The following TWIST2 variants were observed in gnomAD, a reference collection of about 807,000 sequenced individuals.
The protein encoded by TWIST2 is twist-related protein 2.
In TWIST2, 1 loss-of-function variant was observed where a neutral mutation model predicts 11.6. The ratio of observed to expected loss-of-function variants is 0.09; its 90% CI spans 0.03 to 0.41. The LOEUF (loss-of-function observed/expected upper bound fraction) is 0.41. Ranked by LOEUF, TWIST2 falls within the 10% of genes least tolerant of loss-of-function variation. The probability of loss-of-function intolerance (pLI) is 0.98; values close to 1 mark genes in which losing one functional copy is unlikely to be tolerated. For synonymous variants in TWIST2, 87 were observed against 96.6 expected (o/e 0.90, Z 0.58); for missense variants, 168 against 226.4 (o/e 0.74, Z 1.66).
At chr2:238,861,619 T>G (rs891707286) in intron 1 of TWIST2, among the ~76,000 whole-genome samples, 1 of 152,136 alleles carries the variant, frequency 6.6e-6, no homozygotes. Flanking sequence ...GACCGTGGTG[T>G]CAGAGAATGC....
chr2:238,873,357 T>C (rs36178251), intron 1 of TWIST2, among the ~76,000 whole-genome samples: 111,167 of 151,860 alleles, frequency 0.73, 41,965 homozygotes, highest in East Asian at 0.97. Context: ...TTGCTGACCA[T>C]GGGTGCTGAG....
At chr2:238,899,148 G>C (rs1256538765) in intron 1 of TWIST2, among the ~76,000 whole-genome samples, 5 of 152,256 alleles carry the variant, frequency 3.3e-5, no homozygotes, top group African/African-American at 1.2e-4. Context: ...CCATGTGACC[G>C]CTGGCCACGG....
intron 1 of TWIST2, among the ~76,000 whole-genome samples, chr2:238,904,571 G>T (rs1250284127): frequency 6.6e-6 from 1 of 151,906 alleles, no homozygotes; most frequent in Non-Finnish European, 1.5e-5. Context: ...ACTGTCCAAC[G>T]GTGTCCATGG....
At chr2:238,873,768 C>CTGA (rs953708216) in intron 1 of TWIST2, among the ~76,000 whole-genome samples, 1 of 152,152 alleles carries the variant, frequency 6.6e-6, no homozygotes, top group Non-Finnish European at 1.5e-5. Flanking sequence ...ATGAGTGGGC[C>CTGA]TGAGGGTACG....
At chr2:238,905,936 TGTGTGTGCGCGCGCGTGTGTACGTGTGC>T (rs1693343222) in intron 1 of TWIST2, among the ~76,000 whole-genome samples, 5 of 112,356 alleles carry the variant, frequency 4.5e-5, no homozygotes, top group East Asian at 2.5e-4. Flanking sequence ...CGTGTGCGCG[TGTGTGTGCGCGCGCGTGTGTACGTGTGC>T]GTGTGTGTGC....
intron 1 of TWIST2, among the ~76,000 whole-genome samples, chr2:238,905,939 GTGTGCGCGCGCGTGTGTA>G (rs1177890437): frequency 9.4e-6 from 1 of 106,700 alleles, no homozygotes. Context: ...GTGCGCGTGT[GTGTGCGCGCGCGTGTGTA>G]CGTGTGCGTG....
At position 238,900,976 on chromosome 2, in the gene TWIST2, T is replaced by TC. The variant is rs1176839737; in HGVS notation, c.*36-8859dup. Among the ~76,000 whole-genome samples the TC allele has an allele frequency of 7.0e-3, 1,035 of 147,102 alleles. 8 individuals carry two copies. The highest frequency in any genetic ancestry group is 0.025 in the African/African-American group (978 of 39,424). On this transcript the variant is annotated intron_variant, in intron 1 of 1. Transcript: ENST00000612363. ...TCGTTTCTGCCCTATCCCTTCTCCT[T>TC]CCCCCCCGGCTTTTTTTTTTTTTTT...
intron 1 of TWIST2, among the ~76,000 whole-genome samples, chr2:238,870,140 C>CAA (rs1491347285): frequency 7.1e-6 from 1 of 140,298 alleles, no homozygotes; most frequent in Non-Finnish European, 1.5e-5. Context: ...ACACACCACA[C>CAA]CCCATACACA....
chr2:238,855,394 A>C (rs993609092), intron 1 of TWIST2, among the ~76,000 whole-genome samples: 3 of 152,224 alleles, frequency 2.0e-5, no homozygotes, highest in African/African-American at 7.2e-5. Context: ...AATTTTCCTG[A>C]AATCAAATAA....
chr2:238,898,437 T>C (rs1009324083), intron 1 of TWIST2, among the ~76,000 whole-genome samples: 3 of 152,256 alleles, frequency 2.0e-5, no homozygotes, highest in Non-Finnish European at 4.4e-5. Context: ...GGAATGGTGC[T>C]GTTGCTGGTC....
intron 1 of TWIST2, among the ~76,000 whole-genome samples, chr2:238,906,653 CACAG>C (rs1310653191): frequency 1.3e-3 from 193 of 152,310 alleles, no homozygotes; most frequent in Admixed American, 7.6e-3. Flanking sequence ...TGGGCACACT[CACAG>C]ACACACACAC....
At chr2:238,870,763 CCA>C (rs1254202050) in intron 1 of TWIST2, among the ~76,000 whole-genome samples, 3 of 41,186 alleles carry the variant, frequency 7.3e-5, no homozygotes, top group African/African-American at 2.6e-4. Context: ...ACACCACACC[CCA>C]CACACACAGT....
At chr2:238,905,962 TGCGTGTGTGTGCGCGCGCGTGTACGTGC>T (rs1693346483) in intron 1 of TWIST2, among the ~76,000 whole-genome samples, 59 of 105,922 alleles carry the variant, frequency 5.6e-4, no homozygotes, top group Middle Eastern at 4.3e-3. Flanking sequence ...TGTGTACGTG[TGCGTGTGTGTGCGCGCGCGTGTACGTGC>T]GCGTGTGTGC....
intron 1 of TWIST2, among the ~76,000 whole-genome samples, chr2:238,862,455 C>T (rs767785789): frequency 7.2e-5 from 11 of 152,002 alleles, no homozygotes; most frequent in Non-Finnish European, 1.2e-4. Flanking sequence ...TCAATAAACG[C>T]GTGAAGTGTT....
chr2:238,908,751 T>A (rs941026745), intron 1 of TWIST2, among the ~76,000 whole-genome samples: 24 of 150,884 alleles, frequency 1.6e-4, no homozygotes, highest in African/African-American at 5.9e-4. Context: ...TGTGGTGTGT[T>A]TGTGTGTGGT....
At chr2:238,870,393 C>A (rs866965545) in intron 1 of TWIST2, among the ~76,000 whole-genome samples, 5 of 43,520 alleles carry the variant, frequency 1.1e-4, no homozygotes, top group African/African-American at 2.5e-4. Flanking sequence ...CCCACACACC[C>A]CACACACACA....
chr2:238,900,918 C>T (rs990774584), intron 1 of TWIST2, among the ~76,000 whole-genome samples: 7 of 151,790 alleles, frequency 4.6e-5, no homozygotes, highest in African/African-American at 1.7e-4. Context: ...TAATCCTGAA[C>T]GTGGAGACAC....
intron 1 of TWIST2, among the ~76,000 whole-genome samples, chr2:238,859,614 C>T (rs577227760): frequency 6.6e-6 from 1 of 151,948 alleles, no homozygotes; most frequent in South Asian, 2.1e-4. Flanking sequence ...ATGTGCATCT[C>T]TGGTAACTGA....
chr2:238,872,935 T>C (rs1455054240), intron 1 of TWIST2, among the ~76,000 whole-genome samples: 1 of 152,202 alleles, frequency 6.6e-6, no homozygotes, highest in East Asian at 1.9e-4. Context: ...TTCTGCTGGG[T>C]GCTGGAGACA....
Sources: allele counts gnomAD v4.1 joint callset (sites outside exome capture counted in the v4.1 genomes callset), GRCh38; gene constraint gnomAD v4.1.1; transcripts MANE v1.5; gene names NCBI Gene and HGNC (gene_info 2026-07-23, HGNC 2026-07-21).